The following CPEB3 variants were observed in gnomAD, a reference collection of about 807,000 sequenced individuals.
CPEB3 encodes the protein cytoplasmic polyadenylation element binding protein 3.
In CPEB3, 20 loss-of-function variants were observed where a neutral mutation model predicts 67.2. The ratio of observed to expected loss-of-function variants is 0.30; its 90% CI spans 0.21 to 0.43. CPEB3 has a LOEUF of 0.43. CPEB3 is among the 20% of genes least tolerant of loss of function. CPEB3 has a pLI of 1.00. For missense variants in CPEB3, 746 were observed against 968.6 expected (o/e 0.77, Z 3.05); for synonymous variants, 376 against 393.1 (o/e 0.96, Z 0.51).
intron 1 of CPEB3, among the ~76,000 whole-genome samples, chr10:92,264,094 C>T (rs1852931549): frequency 6.6e-6 from 1 of 152,040 alleles, no homozygotes; most frequent in Non-Finnish European, 1.5e-5. Flanking sequence ...TTTGGGATGC[C>T]GAGGCAGGCA....
In CPEB3 at chr10:92,059,325, C is replaced by CAAAAAAAAA. The variant is rs61034093; in HGVS notation, c.1870-6895_1870-6887dup. Among the ~76,000 whole-genome samples the CAAAAAAAAA allele has an allele frequency of 9.9e-5, 10 of 101,234 alleles. 2 individuals carry two copies. Among genetic ancestry groups the CAAAAAAAAA allele is most frequent in the Admixed American group, 2.1e-4 (2 of 9,402 alleles). The allele number at this position is 101,234 out of a possible 152,430, so 66.4% of individuals were successfully genotyped here. ...CTGGGTGACAAAAGTGAAACTCTGT[C>CAAAAAAAAA]AAAAAAAAAACAAAGAAAAAGCAAA... On this transcript the variant is annotated intron_variant, in intron 9 of 9. Transcript: ENST00000265997.
chr10:92,275,304 A>T (rs1410907754), intron 1 of CPEB3, among the ~76,000 whole-genome samples: 1 of 152,222 alleles, frequency 6.6e-6, no homozygotes, highest in African/African-American at 2.4e-5. Context: ...ATGTCTCCAG[A>T]CATTACCAAA....
At chr10:92,181,097 CA>C (rs1390786414) in intron 3 of CPEB3, 78 bp from the exon 4 acceptor site, 1 of 780,572 alleles carries the variant, frequency 1.3e-6, no homozygotes, top group Non-Finnish European at 2.1e-6. Context: ...ATAAACATTA[CA>C]AAAATCTAAA....
chr10:92,290,707 C>A (rs936798872), intron 1 of CPEB3, among the ~76,000 whole-genome samples: 1 of 152,146 alleles, frequency 6.6e-6, no homozygotes, highest in Non-Finnish European at 1.5e-5. Context: ...TGGTGTAATT[C>A]CCCCAAAATG....
At chr10:92,152,765 C>T (rs1421232765) in intron 4 of CPEB3, among the ~76,000 whole-genome samples, 1 of 152,154 alleles carries the variant, frequency 6.6e-6, no homozygotes, top group Admixed American at 6.6e-5. Context: ...AGGTGACCTC[C>T]CCTATTCTTT....
intron 6 of CPEB3, among the ~76,000 whole-genome samples, chr10:92,141,327 T>C (rs1006862685): frequency 7.2e-5 from 11 of 151,962 alleles, no homozygotes; most frequent in African/African-American, 2.7e-4. Context: ...TCATGTCCTT[T>C]GTAGGGACAT....
At chr10:92,191,260 G>A (rs1390892645) in intron 3 of CPEB3, among the ~76,000 whole-genome samples, 1 of 151,892 alleles carries the variant, frequency 6.6e-6, no homozygotes, top group Non-Finnish European at 1.5e-5. Context: ...AAACCAGCAG[G>A]GCGAGGTGGC....
chr10:92,164,018 G>C (rs1215934996), intron 4 of CPEB3, among the ~76,000 whole-genome samples: 3 of 152,068 alleles, frequency 2.0e-5, no homozygotes, highest in African/African-American at 7.2e-5. Context: ...AACCTAAAAA[G>C]TAATACTAAT....
intron 1 of CPEB3, among the ~76,000 whole-genome samples, chr10:92,259,771 A>T (rs1228006841): frequency 6.6e-6 from 1 of 152,200 alleles, no homozygotes; most frequent in East Asian, 1.9e-4. Flanking sequence ...CCAGTATAAT[A>T]TCTTGCATAG....
intron 4 of CPEB3, among the ~76,000 whole-genome samples, chr10:92,168,046 T>C (rs1320842724): frequency 6.6e-6 from 1 of 152,232 alleles, no homozygotes; most frequent in Admixed American, 6.5e-5. Flanking sequence ...AAAGTGAGCA[T>C]ATGCTGTTAG....
At chr10:92,246,846 A>C (rs1852093605) in intron 1 of CPEB3, among the ~76,000 whole-genome samples, 1 of 152,078 alleles carries the variant, frequency 6.6e-6, no homozygotes, top group African/African-American at 2.4e-5. Flanking sequence ...AGAAATTTTT[A>C]AGTTATTCCT....
intron 1 of CPEB3, among the ~76,000 whole-genome samples, chr10:92,240,691 G>A (rs1851805310): frequency 6.6e-6 from 1 of 152,126 alleles, no homozygotes; most frequent in South Asian, 2.1e-4. Flanking sequence ...GGAACTCAGA[G>A]CGTTCGCCCT....
chr10:92,216,322 GGCC>G (rs1446284357), intron 2 of CPEB3: 1 of 1,586,310 alleles, frequency 6.3e-7, no homozygotes, highest in African/African-American at 1.4e-5. Context: ...AGGTTTCAGC[GGCC>G]GCTGCGATGA....
Position 92,048,725 on chromosome 10 carries a change from A to G in CPEB3, c.*3487T>C, listed in dbSNP as rs1452872317. 3 of 152,658 alleles carry G rather than the reference A, an allele frequency of 2.0e-5. No homozygotes were observed. Among genetic ancestry groups the G allele is most frequent in the Non-Finnish European group, 4.4e-5 (3 of 68,036 alleles). 9.5% of individuals were successfully genotyped at this position (152,658 alleles called of 1,614,324 possible). On this transcript the variant is annotated 3_prime_UTR_variant, in exon 10 of 10. Coordinates refer to ENST00000265997, the MANE Select transcript of CPEB3 (RefSeq NM_014912.5). This position sits in a 1 kb window ranked among gnomAD's most constrained non-coding sequence, Gnocchi z 4.1. ...AACCAAGCATTTTCATCGTTGTCAC[A>G]CTATTGTAAACCACATCAGCAAGTT...
At position 92,194,760 on chromosome 10, in the gene CPEB3, A is replaced by G. The variant is rs552177877; in HGVS notation, c.1006-2124T>C. ...CTCATGTTCTAAGTTAATACTAAAGAGCCAGGCACGGTGGCTCACGCCTGT... is the reference window on the plus strand; with the variant it reads ...CTCATGTTCTAAGTTAATACTAAAGGGCCAGGCACGGTGGCTCACGCCTGT... On this transcript the variant is annotated intron_variant, in intron 2 of 9. Coordinates refer to ENST00000265997, the MANE Select transcript of CPEB3 (RefSeq NM_014912.5). Among the ~76,000 whole-genome samples, 38 of 151,936 alleles carry G rather than the reference A, an allele frequency of 2.5e-4. 1 individual carries two copies. In the South Asian group the frequency reaches 7.9e-3, roughly 32 times the overall value.
At chr10:92,101,243 C>T (rs1339695670) in intron 7 of CPEB3, among the ~76,000 whole-genome samples, 1 of 152,146 alleles carries the variant, frequency 6.6e-6, no homozygotes, top group Admixed American at 6.5e-5. Context: ...GGACCTGGTT[C>T]AGAGCTCAGC....
At chr10:92,208,038 G>A (rs964696145) in intron 2 of CPEB3, among the ~76,000 whole-genome samples, 1 of 152,130 alleles carries the variant, frequency 6.6e-6, no homozygotes, top group African/African-American at 2.4e-5. Flanking sequence ...AGTAGGATAG[G>A]GTATCCTAAG....
chr10:92,182,218 A>G (rs929132553), intron 3 of CPEB3, among the ~76,000 whole-genome samples: 17 of 152,238 alleles, frequency 1.1e-4, no homozygotes, highest in African/African-American at 4.1e-4. Flanking sequence ...CGGAGAAAGT[A>G]TACAGAAAAA....
chr10:92,181,617 A>G (rs1848466840), intron 3 of CPEB3, among the ~76,000 whole-genome samples: 1 of 152,180 alleles, frequency 6.6e-6, no homozygotes, highest in African/African-American at 2.4e-5. Flanking sequence ...GCTAATCTCC[A>G]CATGTTCATC....
Sources: gnomAD v4.1 joint callset for allele counts (sites outside exome capture counted in the v4.1 genomes callset) on GRCh38, gnomAD v4.1.1 for gene constraint, Gnocchi (gnomAD v3.1) non-coding constraint, MANE v1.5 for transcripts, NCBI Gene and HGNC (gene_info 2026-07-23, HGNC 2026-07-21) for gene names.